Variants in ANO6 observed in about 807,000 individuals in gnomAD.
ANO6 encodes the protein anoctamin-6.
ANO6 carries 106 observed loss-of-function variants against 117.5 expected under a neutral mutation model. The ratio of observed to expected loss-of-function variants is 0.90; its 90% CI spans 0.77 to 1.06. ANO6 has a LOEUF of 1.06. Ranked by LOEUF, ANO6 falls within the 50% of genes least tolerant of loss-of-function variation. The probability of loss-of-function intolerance (pLI) is 0.00; values close to 1 mark genes in which losing one functional copy is unlikely to be tolerated. For missense variants in ANO6, 955 were observed against 1,121.1 expected (o/e 0.85, Z 2.12); for synonymous variants, 367 against 385.1 (o/e 0.95, Z 0.55).
intron 3 of ANO6, among the ~76,000 whole-genome samples, chr12:45,340,350 C>T (rs1040577176): frequency 6.6e-5 from 10 of 152,222 alleles, no homozygotes; most frequent in African/African-American, 2.4e-4. Context: ...GAATCACATG[C>T]ATCATTTTGT....
intron 3 of ANO6, among the ~76,000 whole-genome samples, chr12:45,346,179 T>C (rs891872849): frequency 2.0e-5 from 3 of 152,214 alleles, no homozygotes; most frequent in African/African-American, 7.2e-5. Context: ...GGGGGACATA[T>C]TTAAACCATA....
At chr12:45,420,516 G>A (rs1943331019) in intron 17 of ANO6, among the ~76,000 whole-genome samples, 1 of 152,030 alleles carries the variant, frequency 6.6e-6, no homozygotes, top group Admixed American at 6.6e-5. Context: ...TACTCAGGAG[G>A]ATCACTTGAA....
At chr12:45,364,873 A>G (rs1941645018) in intron 8 of ANO6, among the ~76,000 whole-genome samples, 1 of 152,310 alleles carries the variant, frequency 6.6e-6, no homozygotes, top group East Asian at 1.9e-4. Context: ...TGAGAACTGG[A>G]CATTTTAAGT....
chr12:45,386,322 T>C (rs751467818), intron 10 of ANO6, among the ~76,000 whole-genome samples: 2 of 152,222 alleles, frequency 1.3e-5, no homozygotes, highest in Non-Finnish European at 2.9e-5. Context: ...CTTTTACCTA[T>C]CTACTGGACA....
chr12:45,322,937 G>A (rs78713055), intron 2 of ANO6, among the ~76,000 whole-genome samples: 13 of 152,090 alleles, frequency 8.5e-5, no homozygotes, highest in Non-Finnish European at 1.9e-4. Context: ...ATCATTGAAC[G>A]TATTTTCCTT....
At chr12:45,228,269 C>G (rs1375568029) in intron 1 of ANO6, 1 of 385,602 alleles carries the variant, frequency 2.6e-6, no homozygotes, top group Non-Finnish European at 5.0e-6. Context: ...TATCTGGGAC[C>G]ACAGGTATGC....
rs751110514 is a variant in ANO6 at position 45,421,147 on chromosome 12, G to T, written c.2294G>T (p.Gly765Val). The T allele has an allele frequency of 6.2e-7, 1 of 1,613,936 alleles. No individual in the cohort carries two copies. Among genetic ancestry groups the T allele is most frequent in the Non-Finnish European group, 8.5e-7 (1 of 1,179,958 alleles). The change falls in exon 18 of 20, where the codon GGG becomes GTG. Residue 765 changes from glycine to valine, a missense_variant. Transcript: ENST00000320560. ...YYWSFSVPPYGDHTSYTMEGY... is the reference protein window; with the variant it reads ...YYWSFSVPPYVDHTSYTMEGY... Reference sequence around the variant, plus strand: ...TGGTCCTTCTCCGTCCCTCCCTACGGGGACCACACTTCCTACACCATGGAA... The same window carrying T: ...TGGTCCTTCTCCGTCCCTCCCTACGTGGACCACACTTCCTACACCATGGAA...
At chr12:45,435,808 C>T (rs1943701059), downstream of ANO6, among the ~76,000 whole-genome samples, 1 of 152,106 alleles carries the variant, frequency 6.6e-6, no homozygotes, top group Admixed American at 6.5e-5. Context: ...TGGGAAAAGA[C>T]ATAAGATTTA....
intron 1 of ANO6, among the ~76,000 whole-genome samples, chr12:45,216,953 C>T (rs1218876533): frequency 6.6e-6 from 1 of 152,168 alleles, no homozygotes; most frequent in Non-Finnish European, 1.5e-5. Context: ...CTGCGGAGCC[C>T]ACCGGAGCTG....
chr12:45,427,331 C>T (rs1481196667), intron 19 of ANO6, among the ~76,000 whole-genome samples: 2 of 152,128 alleles, frequency 1.3e-5, no homozygotes, highest in African/African-American at 2.4e-5. Flanking sequence ...CCCCAGTGCC[C>T]CTCAGACATC....
At position 45,430,019 on chromosome 12, in the gene ANO6, C is replaced by T. The variant is rs974348619; in HGVS notation, c.*708C>T. ...CTTCCAGGAGCACTCCTAGGAGGTTCCGTGCCTAATCAATGTTGACTGCTT... is the reference window on the plus strand; with the variant it reads ...CTTCCAGGAGCACTCCTAGGAGGTTTCGTGCCTAATCAATGTTGACTGCTT... On this transcript the variant is annotated 3_prime_UTR_variant, in exon 20 of 20. Coordinates refer to ENST00000320560, the MANE Select transcript of ANO6 (RefSeq NM_001025356.3). 1.2e-5 allele frequency: 12 copies of T among 985,376 alleles called. No homozygotes were observed. The highest frequency in any genetic ancestry group is 1.4e-5 in the Non-Finnish European group (12 of 830,008). 61.0% of individuals were successfully genotyped at this position (985,376 alleles called of 1,614,324 possible).
chr12:45,267,772 C>G (rs1938266944), intron 1 of ANO6, among the ~76,000 whole-genome samples: 1 of 152,096 alleles, frequency 6.6e-6, no homozygotes, highest in African/African-American at 2.4e-5. Context: ...GTCTGGGCAA[C>G]AGAGCAAGAC....
chr12:45,266,822 G>GTGTGTA (rs1176053085), intron 1 of ANO6, among the ~76,000 whole-genome samples: 1 of 150,826 alleles, frequency 6.6e-6, no homozygotes, highest in African/African-American at 2.4e-5. Context: ...GTGTGTGTGT[G>GTGTGTA]TGTGTGTGTG....
At chr12:45,348,430 C>T in intron 5 of ANO6, 88 bp from the exon 6 acceptor site, 3 of 1,548,994 alleles carry the variant, frequency 1.9e-6, no homozygotes, top group Non-Finnish European at 2.7e-6. Flanking sequence ...AGAAATATGC[C>T]AGCAGATTTG....
rs770027853 is a variant in ANO6 at position 45,421,190 on chromosome 12, T to C, written c.2337T>C (p.Thr779=). The C allele has an allele frequency of 6.2e-7, 1 of 1,614,064 alleles. No homozygotes were observed. The highest frequency in any genetic ancestry group is 8.5e-7 in the Non-Finnish European group (1 of 1,180,006). The change falls in exon 18 of 20, where the codon ACT becomes ACC. Residue 779 remains threonine (T), a synonymous_variant. Coordinates refer to ENST00000320560, the MANE Select transcript of ANO6 (RefSeq NM_001025356.3). ...CCATGGAAGGGTACATCAACAACAC[T>C]CTCTCCATCTTCAAAGTCGCAGACT... ...SYTMEGYINN[T]LSIFKVADFK...
chr12:45,423,085 C>A, intron 19 of ANO6, 23 bp downstream of exon 19: 1 of 1,552,610 alleles, frequency 6.4e-7, no homozygotes, highest in Non-Finnish European at 8.9e-7. Flanking sequence ...TGCTTTCAAA[C>A]AGTTTATAAG....
intron 8 of ANO6, among the ~76,000 whole-genome samples, chr12:45,359,440 C>G (rs1246360989): frequency 6.6e-6 from 1 of 151,634 alleles, no homozygotes; most frequent in African/African-American, 2.4e-5. Flanking sequence ...CATTAGCACT[C>G]ACTCCCTAAT....
intron 1 of ANO6, among the ~76,000 whole-genome samples, chr12:45,237,231 T>A (rs1342642887): frequency 3.3e-5 from 5 of 152,226 alleles, no homozygotes; most frequent in Non-Finnish European, 7.3e-5. Context: ...TTAGTTGAAT[T>A]AGATCCCATT....
At chr12:45,219,874 A>G (rs1402016732) in intron 1 of ANO6, among the ~76,000 whole-genome samples, 1 of 152,218 alleles carries the variant, frequency 6.6e-6, no homozygotes, top group Non-Finnish European at 1.5e-5. Flanking sequence ...AGCCACATCC[A>G]GGCAGTAGTA....
Sources: allele counts gnomAD v4.1 joint callset (sites outside exome capture counted in the v4.1 genomes callset), GRCh38; gene constraint gnomAD v4.1.1; transcripts MANE v1.5; gene names NCBI Gene and HGNC (gene_info 2026-07-23, HGNC 2026-07-21).